Variants in STAG3 observed in about 807,000 individuals in gnomAD.
The protein encoded by STAG3 is cohesin subunit SA-3.
Under a neutral mutation model 160.7 loss-of-function variants are expected in STAG3, and 101 were observed. That is an observed-to-expected ratio of 0.63 (90% CI 0.54 to 0.74). The LOEUF (loss-of-function observed/expected upper bound fraction) is 0.74, where lower values mean the gene tolerates loss of function less well. Ranked by LOEUF, STAG3 falls within the 30% of genes least tolerant of loss-of-function variation. The pLI, the probability that STAG3 is intolerant of heterozygous loss-of-function variation, is 0.00. For missense variants in STAG3, 1,188 were observed against 1,517.4 expected (o/e 0.78, Z 3.61); for synonymous variants, 519 against 585.0 (o/e 0.89, Z 1.63).
chr7:100,213,868 C>G, intron 33 of STAG3, 62 bp downstream of exon 33: 6 of 1,613,710 alleles, frequency 3.7e-6, no homozygotes, highest in Non-Finnish European at 5.1e-6. Flanking sequence ...AACCCGTGCA[C>G]TCATCAAATT....
rs1196992732 is a variant in STAG3, at chr7:100,180,480, C to G, written c.-64-13C>G. ...TGCTGTGGTAGGAGCCCTTTCTTCT[C>G]TTTCTTCCCCAGCTGGATCGCCATA... On this transcript the variant is annotated splice_polypyrimidine_tract_variant and intron_variant, in intron 1 of 33. Coordinates refer to ENST00000615138, the MANE Select transcript of STAG3 (RefSeq NM_001282717.2). 3 of 851,900 alleles carry G rather than the reference C, an allele frequency of 3.5e-6. No individual in the cohort carries two copies. The highest frequency in any genetic ancestry group is 1.4e-5 in the South Asian group (1 of 72,790). The allele number at this position is 851,900 out of a possible 1,614,324, so 52.8% of individuals were successfully genotyped here.
In STAG3 at chr7:100,198,140, T is replaced by G. The variant is rs765358404; in HGVS notation, c.1218T>G (p.Ala406=). 13 of 1,613,978 alleles carry G rather than the reference T, an allele frequency of 8.1e-6. 1 individual carries two copies. In the South Asian group the frequency reaches 1.4e-4, roughly 18 times the overall value. The change falls in exon 12 of 34, where the codon GCT becomes GCG. Residue 406 remains alanine (A), a synonymous_variant. Transcript: ENST00000615138. The stretch of plus-strand genomic sequence containing the variant: ...GAGAGTATGATGTGGCAGTGGAGGC[T>G]GTCAGATTACTGATACTTATCCTTA... ...MDREYDVAVE[A]VRLLILILKN...
chr7:100,211,432 C>T lies in STAG3; in HGVS notation c.3414-3C>T, dbSNP rs1302700359. On this transcript the variant is annotated splice_polypyrimidine_tract_variant and splice_region_variant and intron_variant, in intron 30 of 33. Coordinates refer to ENST00000615138, the MANE Select transcript of STAG3 (RefSeq NM_001282717.2). ...CCCATCATTGATCCTGCTTCATTCC[C>T]AGCAGTCAGCCCGTCGCAGGCACCG... 5.0e-6 allele frequency: 8 copies of T among 1,613,174 alleles called. No individual in the cohort carries two copies. In the Admixed American group the frequency reaches 5.0e-5, roughly 10 times the overall value.
At chr7:100,214,961 GTC>G (rs1320987556), downstream of STAG3, 1 of 151,864 alleles carries the variant, frequency 6.6e-6, no homozygotes, top group Non-Finnish European at 1.5e-5. Context: ...TGTCACCATC[GTC>G]TCTCACCTAG....
Position 100,198,502 on chromosome 7 carries a change from G to A in STAG3, c.1272G>A (p.Ala424=), listed in dbSNP as rs748858810. The stretch of plus-strand genomic sequence containing the variant: ...ACATGGAAGGGGTGCTGACGGACGC[G>A]GATTGTGAGAGCGTCTACCCAGTTG... The part of the protein sequence containing the change: ...LKNMEGVLTD[A]DCESVYPVVY... Residue 424 remains alanine (A), a synonymous_variant, in exon 13 of 34, where the codon GCG becomes GCA. Transcript: ENST00000615138. 5.6e-6 allele frequency: 9 copies of A among 1,614,212 alleles called. No individual in the cohort carries two copies. The highest frequency in any genetic ancestry group is 5.5e-5 in the South Asian group (5 of 91,082).
chr7:100,201,012 G>GGGA (rs773665218), intron 19 of STAG3, 43 bp downstream of exon 19: 46 of 1,613,896 alleles, frequency 2.9e-5, no homozygotes, highest in Non-Finnish European at 3.3e-5. Context: ...AAACAAGGGT[G>GGGA]GGAGGGGCTG....
At chr7:100,199,707 C>G (rs143920664) in intron 16 of STAG3, 63 bp downstream of exon 16, 1,389 of 1,284,986 alleles carry the variant, frequency 1.1e-3, no homozygotes, top group South Asian at 1.8e-3. Context: ...AATGTGCATC[C>G]TTATCCCCCA....
At chr7:100,182,868 C>G in intron 4 of STAG3, 29 bp downstream of exon 4, 2 of 1,612,536 alleles carry the variant, frequency 1.2e-6, no homozygotes, top group Non-Finnish European at 1.7e-6. Flanking sequence ...TCTGTTGATA[C>G]CATCTCACTT....
At position 100,198,538 on chromosome 7, in the gene STAG3, T is replaced by G; in HGVS notation, c.1308T>G (p.Ser436=). Residue 436 remains serine (S), a synonymous_variant, in exon 13 of 34, where the codon TCT becomes TCG. Transcript: ENST00000615138. ...GCGTCTACCCAGTTGTGTATGCCTC[T>G]CATCGAGGCCTGGCCTCTGCCGCAG... ...CESVYPVVYA[S]HRGLASAAGE... 1.2e-6 allele frequency: 2 copies of G among 1,614,182 alleles called. No homozygotes were observed.
At chr7:100,213,483 A>G in intron 32 of STAG3, 1 of 984,760 alleles carries the variant, frequency 1.0e-6, no homozygotes, top group East Asian at 1.1e-4. Context: ...TTATTTCCTA[A>G]CATCTCAGAA....
At chr7:100,187,740 C>T (rs1390589983) in intron 5 of STAG3, among the ~76,000 whole-genome samples, 2 of 151,544 alleles carry the variant, frequency 1.3e-5, no homozygotes, top group Non-Finnish European at 2.9e-5. Context: ...ATGGCCCTGG[C>T]ATTGTTGCCC....
intron 2 of STAG3, 97 bp from the exon 3 acceptor site, chr7:100,181,993 T>G: frequency 1.4e-6 from 1 of 721,146 alleles, no homozygotes; most frequent in Non-Finnish European, 2.3e-6. Context: ...CTCATGGAGA[T>G]GGGGTGCGGT....
At chr7:100,200,706 C>T in intron 18 of STAG3, 63 bp from the exon 19 acceptor site, 1 of 1,584,618 alleles carries the variant, frequency 6.3e-7, no homozygotes, top group South Asian at 1.1e-5. Context: ...CGTTCCACTT[C>T]CCGCCAGAAG....
At chr7:100,189,101 C>A in intron 7 of STAG3, 85 bp downstream of exon 7, 1 of 1,466,668 alleles carries the variant, frequency 6.8e-7, no homozygotes, top group Admixed American at 1.8e-5. Context: ...TTCTTTCCTA[C>A]CTGCATCTTG....
chr7:100,214,295 T>C lies in STAG3; in HGVS notation c.*280T>C, dbSNP rs1316947360. 2 of 490,030 alleles carry C rather than the reference T, an allele frequency of 4.1e-6. No homozygotes were observed. Among genetic ancestry groups the C allele is most frequent in the East Asian group, 3.3e-5 (1 of 30,560 alleles). The allele number at this position is 490,030 out of a possible 1,614,324, so 30.4% of individuals were successfully genotyped here. A position where few individuals can be genotyped will look rare whatever the true frequency, so the allele number is the denominator to read the frequency against. ...GCAGCACCTCTGTGTTTAATGGAAATAGCCCATAGTCTCCTGGATTTTTGG... is the reference window on the plus strand; with the variant it reads ...GCAGCACCTCTGTGTTTAATGGAAACAGCCCATAGTCTCCTGGATTTTTGG... On this transcript the variant is annotated 3_prime_UTR_variant, in exon 34 of 34. Transcript: ENST00000615138.
chr7:100,203,984 CCA>C lies in STAG3; in HGVS notation c.2701-36_2701-35del, dbSNP rs1801392349. 4 of 1,432,582 alleles carry C rather than the reference CCA, an allele frequency of 2.8e-6. No homozygotes were observed. The African/African-American group carries it at 5.6e-5, about 20-fold the overall frequency. 88.7% of individuals were successfully genotyped at this position (1,432,582 alleles called of 1,614,324 possible). ...GGAAGAAACCAAATGGTCTTTTCCA[CCA>C]GTCAGACATTACCTTCCCCACTCTT... is the stretch of plus-strand genomic sequence containing the variant. On this transcript the variant is annotated intron_variant, in intron 25 of 33. Coordinates refer to ENST00000615138, the MANE Select transcript of STAG3 (RefSeq NM_001282717.2).
intron 4 of STAG3, among the ~76,000 whole-genome samples, chr7:100,184,090 A>AC (rs1799821864): frequency 6.6e-6 from 1 of 151,974 alleles, no homozygotes; most frequent in South Asian, 2.1e-4. Context: ...ACATGGTGAA[A>AC]CCCCATCTCT....
At chr7:100,204,575 G>T in intron 26 of STAG3, 52 bp from the exon 27 acceptor site, 1 of 1,592,324 alleles carries the variant, frequency 6.3e-7, no homozygotes. Context: ...GGACTTCTCT[G>T]TTTCCGCCGT....
intron 13 of STAG3, 83 bp downstream of exon 13, chr7:100,198,665 C>T: frequency 2.9e-6 from 4 of 1,395,088 alleles, no homozygotes; most frequent in East Asian, 2.3e-5. Context: ...CCTAAGGCTT[C>T]CCCATCTCTG....
Sources: gnomAD v4.1 joint callset for allele counts (sites outside exome capture counted in the v4.1 genomes callset) on GRCh38, gnomAD v4.1.1 for gene constraint, MANE v1.5 for transcripts, NCBI Gene and HGNC (gene_info 2026-07-23, HGNC 2026-07-21) for gene names.